PFKFB2: variants seen among roughly 807,000 people sequenced by gnomAD.
PFKFB2 encodes 6-phosphofructo-2-kinase/fructose-2,6-biphosphatase 2.
PFKFB2 carries 53 observed loss-of-function variants against 68.0 expected under a neutral mutation model. The ratio of observed to expected loss-of-function variants is 0.78; its 90% CI spans 0.63 to 0.98. PFKFB2 has a LOEUF of 0.98. Among genes scored for constraint, PFKFB2 ranks in the 50% least tolerant of loss-of-function variants. The pLI is 0.00. For synonymous variants in PFKFB2, 222 were observed against 227.6 expected, an observed-to-expected ratio of 0.98 and a Z score of 0.22; for missense variants, 451 against 642.0, an observed-to-expected ratio of 0.70 and a Z score of 3.22.
intron 2 of PFKFB2, 65 bp from the exon 3 acceptor site, chr1:207,061,888 C>CA (rs1209446339): frequency 4.8e-6 from 7 of 1,452,328 alleles, no homozygotes; most frequent in African/African-American, 1.4e-5. Flanking sequence ...CTCAAAAAAA[C>CA]AAACACCAAA....
chr1:207,075,956 T>C lies in PFKFB2; in HGVS notation c.*3585T>C, dbSNP rs1000122185. On this transcript the variant is annotated 3_prime_UTR_variant, in exon 15 of 15. Coordinates refer to ENST00000367080, the MANE Select transcript of PFKFB2 (RefSeq NM_006212.2). ...TTTTGGTAAAGGGATGATTTTTACATTGAGTTTTAAAGTAGAATAAGAAAA... is the reference window on the plus strand; with the variant it reads ...TTTTGGTAAAGGGATGATTTTTACACTGAGTTTTAAAGTAGAATAAGAAAA... 10 of 985,244 alleles carry C rather than the reference T, an allele frequency of 1.0e-5. No homozygotes were observed. Among genetic ancestry groups the C allele is most frequent in the Admixed American group, 1.2e-4 (2 of 16,268 alleles). The allele number at this position is 985,244 out of a possible 1,614,324, so 61.0% of individuals were successfully genotyped here.
At chr1:207,062,489 T>C in intron 3 of PFKFB2, 131 bp from the exon 4 acceptor site, 3 of 1,391,922 alleles carry the variant, frequency 2.2e-6, no homozygotes, top group Non-Finnish European at 2.0e-6. Context: ...TAATCTGATA[T>C]TGTTCCCAAC....
At chr1:207,062,118 T>C in intron 3 of PFKFB2, 40 bp downstream of exon 3, 1 of 1,613,358 alleles carries the variant, frequency 6.2e-7, no homozygotes, top group Non-Finnish European at 8.5e-7. Context: ...AATTATTAGT[T>C]CCTGGGCCTC....
chr1:207,062,025 A>T lies in PFKFB2; in HGVS notation c.158A>T (p.Tyr53Phe), dbSNP rs1203971874. 1.9e-6 allele frequency: 3 copies of T among 1,614,198 alleles called. No homozygotes were observed. The highest frequency in any genetic ancestry group is 2.5e-6 in the Non-Finnish European group (3 of 1,180,016). Residue 53 changes from tyrosine to phenylalanine, a missense_variant, in exon 3 of 15, where the codon TAC becomes TTC. Coordinates refer to ENST00000367080, the MANE Select transcript of PFKFB2 (RefSeq NM_006212.2). ...GGTTTGCCAGCCCGGGGTAAAACCTACGTGTCCAAGAAACTAACACGCTAC... is the reference window on the plus strand; with the variant it reads ...GGTTTGCCAGCCCGGGGTAAAACCTTCGTGTCCAAGAAACTAACACGCTAC... ...MIGLPARGKT[Y>F]VSKKLTRYLN... is the part of the protein sequence containing the mutation.
At chr1:207,050,846 C>G, upstream of PFKFB2, 6 of 1,612,920 alleles carry the variant, frequency 3.7e-6, no homozygotes, top group Non-Finnish European at 5.1e-6. Context: ...GCTGGACAGC[C>G]CCTGCAAAAC....
chr1:207,071,931 T>C (rs1683476905), intron 14 of PFKFB2, among the ~76,000 whole-genome samples: 2 of 152,222 alleles, frequency 1.3e-5, no homozygotes, highest in African/African-American at 4.8e-5. Context: ...GGTTTGTTCC[T>C]AGGTCTGTCA....
rs1683420946 is a variant in PFKFB2, at chr1:207,070,079, A to G, written c.1093-201A>G. Among the ~76,000 whole-genome samples the G allele has an allele frequency of 6.6e-6, 1 of 152,206 alleles. No homozygotes were observed. Among genetic ancestry groups the G allele is most frequent in the Non-Finnish European group, 1.5e-5 (1 of 68,030 alleles). On this transcript the variant is annotated intron_variant, in intron 11 of 14. Transcript: ENST00000367080. The surrounding 1 kb of genome is among the most constrained non-coding windows in gnomAD (Gnocchi z 4.2). ...TTAACCTGTAGTTTTCTTGGTCTAA[A>G]TATTGCTTTTGAAAGATCTGAGTTT...
At chr1:207,054,992 G>A (rs1682878354) in intron 2 of PFKFB2, 190 bp downstream of exon 2, 1 of 541,128 alleles carries the variant, frequency 1.8e-6, no homozygotes, top group African/African-American at 1.9e-5. Flanking sequence ...TGTTCTTGGG[G>A]CTTGACTACT....
chr1:207,048,529 G>GT (rs2102325309), upstream of PFKFB2: 1 of 155,182 alleles, frequency 6.4e-6, no homozygotes, highest in South Asian at 2.0e-4. Flanking sequence ...AGACACTGTG[G>GT]TAAATGTCCA....
chr1:207,040,375 T>C (rs924906299), intron 1 of PFKFB2, among the ~76,000 whole-genome samples: 2 of 152,108 alleles, frequency 1.3e-5, no homozygotes, highest in East Asian at 1.9e-4. Flanking sequence ...TCCAAGTGAA[T>C]ACAGAGAAAT....
rs187528909 is a variant in PFKFB2, at chr1:207,077,045, G to A, written c.*4674G>A. The A allele has an allele frequency of 2.0e-6, 2 of 984,350 alleles. No individual in the cohort carries two copies. Among genetic ancestry groups the A allele is most frequent in the East Asian group, 2.3e-4 (2 of 8,814 alleles). 61.0% of individuals were successfully genotyped at this position (984,350 alleles called of 1,614,324 possible). A position where few individuals can be genotyped will look rare whatever the true frequency, so the allele number is the denominator to read the frequency against. On this transcript the variant is annotated 3_prime_UTR_variant, in exon 15 of 15. Transcript: ENST00000367080. ...GCCAAATTCTCATTATTTTGTACAA[G>A]ATAAAGGTTATGCATCACTTTTATG...
chr1:207,072,733 A>C lies in PFKFB2; in HGVS notation c.*362A>C, dbSNP rs999466810. On this transcript the variant is annotated 3_prime_UTR_variant, in exon 15 of 15. Coordinates refer to ENST00000367080, the MANE Select transcript of PFKFB2 (RefSeq NM_006212.2). ...CCCTGGTGTCTTCACTAATGTCCTC[A>C]TGTTGGTGAAGTGTTGGGGGATGGA... 2.0e-6 allele frequency: 2 copies of C among 1,023,474 alleles called. No homozygotes were observed. The highest frequency in any genetic ancestry group is 2.3e-6 in the Non-Finnish European group (2 of 855,264). The allele number at this position is 1,023,474 out of a possible 1,614,324, so 63.4% of individuals were successfully genotyped here.
chr1:207,043,688 T>A (rs1682523279), intron 2 of PFKFB2, among the ~76,000 whole-genome samples: 1 of 152,202 alleles, frequency 6.6e-6, no homozygotes, highest in African/African-American at 2.4e-5. Context: ...GAGAAATACC[T>A]TAGTTTCTCC....
chr1:207,061,121 ATATATATC>A, intron 2 of PFKFB2, among the ~76,000 whole-genome samples: 1 of 87,612 alleles, frequency 1.1e-5, no homozygotes, highest in Admixed American at 1.1e-4. Context: ...ATATATCTTT[ATATATATC>A]TTTATATATA....
At chr1:207,065,191 C>A in intron 8 of PFKFB2, 31 bp downstream of exon 8, 1 of 1,611,358 alleles carries the variant, frequency 6.2e-7, no homozygotes, top group South Asian at 1.1e-5. Context: ...TTGAAGGGCC[C>A]AAGGCAAAGG....
intron 4 of PFKFB2, 69 bp downstream of exon 4, chr1:207,062,785 G>A (rs1306318190): frequency 2.8e-6 from 4 of 1,449,424 alleles, no homozygotes; most frequent in Non-Finnish European, 3.8e-6. Flanking sequence ...TGGTGTGACA[G>A]GGCTTGGTTT....
upstream of PFKFB2, chr1:207,052,225 A>C (rs1459576604): frequency 6.2e-7 from 1 of 1,612,500 alleles, no homozygotes; most frequent in Non-Finnish European, 8.5e-7. Context: ...AATTATATGT[A>C]ATGTTTCCAT....
chr1:207,073,803 T>C lies in PFKFB2; in HGVS notation c.*1432T>C. On this transcript the variant is annotated 3_prime_UTR_variant, in exon 15 of 15. Transcript: ENST00000367080. Reference sequence around the variant, plus strand: ...CATGATGGCTTATTCTCTTTCCCAATTTTGCATGCAAAATGTACGAATATA... The same window carrying C: ...CATGATGGCTTATTCTCTTTCCCAACTTTGCATGCAAAATGTACGAATATA... 1.0e-6 allele frequency: 1 copy of C among 985,384 alleles called. No individual in the cohort carries two copies. The allele number at this position is 985,384 out of a possible 1,614,324, so 61.0% of individuals were successfully genotyped here. A position where few individuals can be genotyped will look rare whatever the true frequency, so the allele number is the denominator to read the frequency against.
At chr1:207,069,653 C>A in intron 11 of PFKFB2, 125 bp downstream of exon 11, 1 of 642,854 alleles carries the variant, frequency 1.6e-6, no homozygotes, top group Middle Eastern at 3.1e-4. Flanking sequence ...TCCCTTGGGT[C>A]ATTTTGGTTT....
Sources: gnomAD v4.1 joint callset for allele counts (sites outside exome capture counted in the v4.1 genomes callset) on GRCh38, gnomAD v4.1.1 for gene constraint, Gnocchi (gnomAD v3.1) non-coding constraint, MANE v1.5 for transcripts, NCBI Gene and HGNC (gene_info 2026-07-23, HGNC 2026-07-21) for gene names.